The following PDZRN3 variants were observed in gnomAD, a reference collection of about 807,000 sequenced individuals.
PDZRN3 encodes the protein E3 ubiquitin-protein ligase PDZRN3.
A neutral mutation model predicts 85.7 loss-of-function variants in PDZRN3; 38 were observed. The ratio of observed to expected loss-of-function variants is 0.44; its 90% confidence interval spans 0.34 to 0.58. The LOEUF is 0.58. Among genes scored for constraint, PDZRN3 ranks in the 20% least tolerant of loss-of-function variants. The probability of loss-of-function intolerance (pLI) is 0.01; values close to 1 mark genes in which losing one functional copy is unlikely to be tolerated. For missense variants in PDZRN3, 1,629 were observed against 1,506.4 expected (o/e 1.08, Z -1.35); for synonymous variants, 759 against 638.0 (o/e 1.19, Z -2.86).
intron 3 of PDZRN3, among the ~76,000 whole-genome samples, chr3:73,424,404 A>G (rs1025776469): frequency 3.5e-5 from 5 of 144,340 alleles, no homozygotes; most frequent in African/African-American, 1.3e-4. Context: ...AGCTGAGTGT[A>G]GTGGCAGGTG....
chr3:73,532,856 G>A (rs1466308607), intron 3 of PDZRN3, among the ~76,000 whole-genome samples: 1 of 152,180 alleles, frequency 6.6e-6, no homozygotes, highest in African/African-American at 2.4e-5. Context: ...TAAGAAGCGA[G>A]AAATCTGATC....
In PDZRN3 at chr3:73,503,504, T is replaced by A. The variant is rs185852027; in HGVS notation, c.918+98850A>T. ...TCACTTTAAATCATTTCTTTATCCGTAAAGCTTTAATGAAAGTATTATTCC... is the reference window on the plus strand; with the variant it reads ...TCACTTTAAATCATTTCTTTATCCGAAAAGCTTTAATGAAAGTATTATTCC... On this transcript the variant is annotated intron_variant, in intron 3 of 9. Coordinates refer to ENST00000263666, the MANE Select transcript of PDZRN3 (RefSeq NM_015009.3). 2.8e-4 allele frequency among the ~76,000 whole-genome samples: 42 copies of A among 152,348 alleles called. No individual in the cohort carries two copies. The East Asian group carries it at 7.9e-3, about 29-fold the overall frequency.
Position 73,384,078 on chromosome 3 carries a change from C to T in PDZRN3, c.2488G>A (p.Asp830Asn), listed in dbSNP as rs1310578645. The change falls in exon 10 of 10, where the codon GAC becomes AAC. Residue 830 changes from aspartate (D) to asparagine (N), a missense_variant. Asp to Asn is a conservative substitution (Grantham distance 23). Transcript: ENST00000263666. ...TTGCTTTCCAGGGGCTGGTTGGGGT[C>T]CAGCTCCTTCAGGGACGGGCTATAG... is the stretch of plus-strand genomic sequence containing the variant. Reference protein sequence around the residue: ...PTYSPSLKELDPNQPLESKER... With the variant: ...PTYSPSLKELNPNQPLESKER... 1 of 1,612,456 alleles carries T rather than the reference C, an allele frequency of 6.2e-7. No homozygotes were observed. Among genetic ancestry groups the T allele is most frequent in the Non-Finnish European group, 8.5e-7 (1 of 1,179,424 alleles).
rs371602592 is a variant in PDZRN3 at position 73,489,575 on chromosome 3, C to CTTTTTTTTTTTTTTTTTTTTTTTTTT, written c.919-85181_919-85180insAAAAAAAAAAAAAAAAAAAAAAAAAA. 2.7e-4 allele frequency among the ~76,000 whole-genome samples: 22 copies of CTTTTTTTTTTTTTTTTTTTTTTTTTT among 80,106 alleles called. 3 individuals carry two copies. The highest frequency in any genetic ancestry group is 7.7e-4 in the African/African-American group (16 of 20,784). The allele number at this position is 80,106 out of a possible 152,430, so 52.6% of individuals were successfully genotyped here. A position where few individuals can be genotyped will look rare whatever the true frequency, so the allele number is the denominator to read the frequency against. On this transcript the variant is annotated intron_variant, in intron 3 of 9. Coordinates refer to ENST00000263666, the MANE Select transcript of PDZRN3 (RefSeq NM_015009.3). ...GCCATGCATATGGGCAGTTTCTTTT[C>CTTTTTTTTTTTTTTTTTTTTTTTTTT]TTTTTTTTTTTTTTTGAGATGGAGT...
intron 1 of PDZRN3, among the ~76,000 whole-genome samples, chr3:73,618,249 T>A (rs1028845563): frequency 1.3e-5 from 2 of 152,210 alleles, no homozygotes; most frequent in African/African-American, 4.8e-5. Flanking sequence ...AGGGTCTTTC[T>A]GAGGATGAAA....
chr3:73,411,566 GT>G (rs1418032263), intron 3 of PDZRN3, among the ~76,000 whole-genome samples: 4 of 150,852 alleles, frequency 2.7e-5, no homozygotes, highest in African/African-American at 1.0e-4. Context: ...TGGGCTGGTG[GT>G]GGTCCTGCTT....
At chr3:73,517,760 T>C (rs1357734285) in intron 3 of PDZRN3, among the ~76,000 whole-genome samples, 3 of 152,250 alleles carry the variant, frequency 2.0e-5, no homozygotes, top group African/African-American at 4.8e-5. Flanking sequence ...TTTGGTAATA[T>C]GTTTTGTGCA....
At chr3:73,557,973 C>T (rs1701736060) in intron 3 of PDZRN3, among the ~76,000 whole-genome samples, 1 of 151,994 alleles carries the variant, frequency 6.6e-6, no homozygotes, top group African/African-American at 2.4e-5. Flanking sequence ...AAGTGATTAT[C>T]TTTGGGGTAT....
intron 3 of PDZRN3, among the ~76,000 whole-genome samples, chr3:73,438,783 C>T (rs529652117): frequency 6.6e-6 from 1 of 152,344 alleles, no homozygotes; most frequent in African/African-American, 2.4e-5. Flanking sequence ...AATACACACA[C>T]AGCCAATAAA....
In PDZRN3 at chr3:73,404,499, A is replaced by C. The variant is rs1701815400; in HGVS notation, c.919-104T>G. On this transcript the variant is annotated intron_variant, in intron 3 of 9. Coordinates refer to ENST00000263666, the MANE Select transcript of PDZRN3 (RefSeq NM_015009.3). ...TCATGTGTAAGCAGCTAAAAGAAAG[A>C]AGCAGGTGGTGGTGTCAGAGAACTT... The C allele has an allele frequency of 2.6e-5, 33 of 1,262,116 alleles. No individual in the cohort carries two copies. In the South Asian group the frequency reaches 4.5e-4, roughly 17 times the overall value. The allele number at this position is 1,262,116 out of a possible 1,614,324, so 78.2% of individuals were successfully genotyped here. A position where few individuals can be genotyped will look rare whatever the true frequency, so the allele number is the denominator to read the frequency against.
At chr3:73,434,065 TC>T in intron 3 of PDZRN3, 6 of 509,198 alleles carry the variant, frequency 1.2e-5, no homozygotes, top group Non-Finnish European at 1.5e-5. Context: ...CATTGACTAT[TC>T]ATAACAGACA....
At chr3:73,389,739 C>T in intron 7 of PDZRN3, 77 bp downstream of exon 7, 1 of 1,074,616 alleles carries the variant, frequency 9.3e-7, no homozygotes, top group Non-Finnish European at 1.5e-6. Context: ...CATTTTCAAC[C>T]CTAGACCTAT....
At chr3:73,435,828 C>A (rs570040659) in intron 3 of PDZRN3, among the ~76,000 whole-genome samples, 1 of 152,306 alleles carries the variant, frequency 6.6e-6, no homozygotes, top group East Asian at 1.9e-4. Flanking sequence ...ATGACTCCAC[C>A]GTTTGCTGAA....
chr3:73,391,243 C>T lies in PDZRN3; in HGVS notation c.1255-127G>A, dbSNP rs113724042. The T allele has an allele frequency of 4.1e-3, 2,555 of 620,470 alleles. 49 individuals are homozygous for T. The highest frequency in any genetic ancestry group is 0.039 in the African/African-American group (2,138 of 54,866). The allele number at this position is 620,470 out of a possible 1,614,324, so 38.4% of individuals were successfully genotyped here. A position where few individuals can be genotyped will look rare whatever the true frequency, so the allele number is the denominator to read the frequency against. On this transcript the variant is annotated intron_variant, in intron 5 of 9. Transcript: ENST00000263666. ...TTCTTTGCATTCAACTGTGTAGGGCCGGTTAACTTACTAAACAAAAAGTGA... is the reference window on the plus strand; with the variant it reads ...TTCTTTGCATTCAACTGTGTAGGGCTGGTTAACTTACTAAACAAAAAGTGA...
intron 3 of PDZRN3, among the ~76,000 whole-genome samples, chr3:73,552,824 A>G (rs1701594091): frequency 6.6e-6 from 1 of 152,236 alleles, no homozygotes; most frequent in Non-Finnish European, 1.5e-5. Flanking sequence ...GAAGGAAGGT[A>G]AATATTTCTA....
intron 3 of PDZRN3, among the ~76,000 whole-genome samples, chr3:73,569,719 C>A (rs1171809980): frequency 6.6e-6 from 1 of 152,202 alleles, no homozygotes; most frequent in African/African-American, 2.4e-5. Flanking sequence ...ACTGAGCCTA[C>A]CCCTGGCCAA....
intron 3 of PDZRN3, among the ~76,000 whole-genome samples, chr3:73,500,525 A>G (rs1459680414): frequency 6.6e-6 from 1 of 152,126 alleles, no homozygotes; most frequent in African/African-American, 2.4e-5. Context: ...GCTAATCACC[A>G]TGGCTCCACT....
At chr3:73,444,048 T>TC (rs138862088) in intron 3 of PDZRN3, among the ~76,000 whole-genome samples, 1,679 of 152,288 alleles carry the variant, frequency 0.011, 18 homozygotes, top group Non-Finnish European at 0.018. Context: ...CTTTCCCACA[T>TC]CTGTCTCATC....
At chr3:73,588,522 C>T (rs185581178) in intron 3 of PDZRN3, among the ~76,000 whole-genome samples, 41 of 152,238 alleles carry the variant, frequency 2.7e-4, no homozygotes, top group Non-Finnish European at 5.0e-4. Flanking sequence ...GGACCAGCAC[C>T]CTCAAAAGCC....
Sources: gnomAD v4.1 joint callset for allele counts (sites outside exome capture counted in the v4.1 genomes callset) on GRCh38, gnomAD v4.1.1 for gene constraint, MANE v1.5 for transcripts, NCBI Gene and HGNC (gene_info 2026-07-23, HGNC 2026-07-21) for gene names.